Variants in PCDHA6 observed in about 807,000 individuals in gnomAD.
PCDHA6 encodes the protein protocadherin alpha-6.
PCDHA6 carries 55 observed loss-of-function variants against 60.3 expected under a neutral mutation model. The observed-to-expected ratio is 0.91, with a 90% CI of 0.73 to 1.14. PCDHA6 has a LOEUF of 1.14. PCDHA6 is among the 50% of genes most tolerant of loss of function. The pLI is 0.00. For missense variants in PCDHA6, 1,327 were observed against 1,256.5 expected (o/e 1.06, Z -0.85); for synonymous variants, 652 against 557.9 (o/e 1.17, Z -2.38).
At chr5:140,883,379 C>G in intron 1 of PCDHA6, 1 of 1,614,182 alleles carries the variant, frequency 6.2e-7, no homozygotes, top group Non-Finnish European at 8.5e-7. Flanking sequence ...CATTATTGCC[C>G]TAATCAGTGT....
intron 1 of PCDHA6, chr5:140,861,500 C>A: frequency 6.2e-6 from 3 of 482,022 alleles, no homozygotes; most frequent in South Asian, 1.6e-5. Flanking sequence ...CTCTGATAGA[C>A]CTCGAGGAGC....
At position 140,828,402 on chromosome 5, in the gene PCDHA6, T is replaced by C. The variant is rs1554131287; in HGVS notation, c.311T>C (p.Ile104Thr). The C allele has an allele frequency of 1.9e-6, 3 of 1,614,248 alleles. No homozygotes were observed. The highest frequency in any genetic ancestry group is 2.5e-6 in the Non-Finnish European group (3 of 1,180,048). ...ELCGRSAECS[I>T]HLEVIVDRPL... ...TGCGGGCGGAGCGCGGAGTGCAGCA[T>C]CCACCTGGAGGTGATCGTGGACAGG... Residue 104 changes from isoleucine to threonine, a missense_variant, in exon 1 of 4, where the codon ATC (isoleucine) becomes ACC (threonine). By Grantham distance (89) the Ile-to-Thr change is moderately conservative (BLOSUM62 -1). Transcript: ENST00000529310.
At chr5:141,001,473 G>A (rs1172395730) in intron 3 of PCDHA6, among the ~76,000 whole-genome samples, 1 of 152,220 alleles carries the variant, frequency 6.6e-6, no homozygotes, top group African/African-American at 2.4e-5. Flanking sequence ...AAGCAGCAGC[G>A]GGGAAGTGCT....
intron 1 of PCDHA6, among the ~76,000 whole-genome samples, chr5:140,885,350 G>C (rs1050079674): frequency 6.6e-6 from 1 of 152,108 alleles, no homozygotes; most frequent in African/African-American, 2.4e-5. Context: ...ATTTCCAAAA[G>C]GTACTGGTGA....
intron 1 of PCDHA6, chr5:140,969,338 C>G: frequency 1.1e-5 from 18 of 1,613,914 alleles, no homozygotes; most frequent in Non-Finnish European, 1.4e-5. Context: ...TGAGGTGAGA[C>G]AGTGGTCAGG....
At chr5:140,996,836 C>T (rs1247616398) in intron 3 of PCDHA6, among the ~76,000 whole-genome samples, 43 of 152,096 alleles carry the variant, frequency 2.8e-4, no homozygotes, top group African/African-American at 1.0e-3. Flanking sequence ...AATAATTTAG[C>T]GTGCATCTTC....
At chr5:140,962,126 C>A (rs1429316991) in intron 1 of PCDHA6, among the ~76,000 whole-genome samples, 1 of 152,094 alleles carries the variant, frequency 6.6e-6, no homozygotes. Flanking sequence ...ACCTTGGCCT[C>A]GGCCTCCCAA....
chr5:140,925,836 C>G (rs2082758211), intron 1 of PCDHA6, among the ~76,000 whole-genome samples: 1 of 152,104 alleles, frequency 6.6e-6, no homozygotes, highest in African/African-American at 2.4e-5. Context: ...GACGGGTCGT[C>G]AAGTCTTTGA....
chr5:140,910,808 G>A (rs535429898), intron 1 of PCDHA6, among the ~76,000 whole-genome samples: 1 of 152,170 alleles, frequency 6.6e-6, no homozygotes, highest in South Asian at 2.1e-4. Flanking sequence ...TGCTTAGTGG[G>A]CCCAAATCAA....
intron 1 of PCDHA6, chr5:140,927,491 T>G (rs2084266726): frequency 1.2e-6 from 2 of 1,614,118 alleles, no homozygotes; most frequent in Non-Finnish European, 1.7e-6. Flanking sequence ...GCCACCCACC[T>G]GCTGGTGCTT....
At chr5:140,993,616 C>A (rs1554253872) in intron 3 of PCDHA6, among the ~76,000 whole-genome samples, 2 of 151,688 alleles carry the variant, frequency 1.3e-5, no homozygotes, top group Admixed American at 6.6e-5. Context: ...TTGTTGGGAC[C>A]CTCTATATAT....
At chr5:140,870,667 T>C (rs251372) in intron 1 of PCDHA6, 777,079 of 1,612,370 alleles carry the variant, frequency 0.48, 188,810 homozygotes, top group South Asian at 0.57. Context: ...GCTGCAGCCG[T>C]TGGACCACGA....
intron 1 of PCDHA6, chr5:140,967,668 C>T (rs1554229751): frequency 1.2e-6 from 2 of 1,614,108 alleles, no homozygotes; most frequent in Non-Finnish European, 8.5e-7. Flanking sequence ...AGCTACACGT[C>T]GGACCGGGAG....
chr5:140,862,840 C>A (rs1434718417), intron 1 of PCDHA6: 1 of 573,790 alleles, frequency 1.7e-6, no homozygotes, highest in Non-Finnish European at 3.3e-6. Flanking sequence ...CGCGGGCATG[C>A]CGCCTCTGAG....
At chr5:140,857,970 C>A (rs782641512) in intron 1 of PCDHA6, 1 of 1,596,952 alleles carries the variant, frequency 6.3e-7, no homozygotes, top group Non-Finnish European at 8.6e-7. Flanking sequence ...GAGACTGACT[C>A]GCCACGCCAG....
At chr5:140,896,882 T>C (rs1345268084) in intron 1 of PCDHA6, among the ~76,000 whole-genome samples, 1 of 152,198 alleles carries the variant, frequency 6.6e-6, no homozygotes. Flanking sequence ...TTATGGGGTA[T>C]ATGAGACATT....
At chr5:140,839,380 TATG>T (rs2150297142) in intron 1 of PCDHA6, among the ~76,000 whole-genome samples, 147,881 of 151,388 alleles carry the variant, frequency 0.98, 72,191 homozygotes, top group East Asian at 1. Flanking sequence ...CATCAATTAT[TATG>T]ATGATGATGA....
chr5:140,829,335 G>A lies in PCDHA6; in HGVS notation c.1244G>A (p.Arg415His). 1 of 1,614,232 alleles carries A rather than the reference G, an allele frequency of 6.2e-7. No homozygotes were observed. Residue 415 changes from arginine (R) to histidine (H), a missense_variant, in exon 1 of 4, where the codon CGC becomes CAC. Coordinates refer to ENST00000529310, the MANE Select transcript of PCDHA6 (RefSeq NM_018909.4). Reference protein sequence around the residue: ...YSLVLDSALDRESVSAYELVV... With the variant: ...YSLVLDSALDHESVSAYELVV... The stretch of plus-strand genomic sequence containing the variant: ...TTGGTGCTGGACAGTGCCCTGGACC[G>A]CGAGAGCGTGTCGGCCTATGAGTTG...
rs1005130215 is a variant in PCDHA6 at position 140,976,643 on chromosome 5, A to G, written c.2395-2306A>G. On this transcript the variant is annotated intron_variant, in intron 1 of 3. Coordinates refer to ENST00000529310, the MANE Select transcript of PCDHA6 (RefSeq NM_018909.4). ...AGCTGAACTCAGCAATCAGACAAGT[A>G]ATTTAATCTCTCCAAAGTTCAGATG... Among the ~76,000 whole-genome samples the G allele has an allele frequency of 2.0e-5, 3 of 152,236 alleles. No homozygotes were observed. In the South Asian group the frequency reaches 6.2e-4, roughly 31 times the overall value.
Sources: allele counts gnomAD v4.1 joint callset (sites outside exome capture counted in the v4.1 genomes callset), GRCh38; gene constraint gnomAD v4.1.1; transcripts MANE v1.5; gene names NCBI Gene and HGNC (gene_info 2026-07-23, HGNC 2026-07-21).